ANKRD44: variants seen among roughly 807,000 people sequenced by gnomAD.
The protein encoded by ANKRD44 is ankyrin repeat domain 44.
A neutral mutation model predicts 116.0 loss-of-function variants in ANKRD44; 35 were observed. The ratio of observed to expected loss-of-function variants is 0.30; its 90% CI spans 0.23 to 0.40. The LOEUF (loss-of-function observed/expected upper bound fraction) is 0.40, where lower values mean the gene tolerates loss of function less well. ANKRD44 is among the 10% of genes least tolerant of loss of function. The pLI is 1.00. For synonymous variants in ANKRD44, 435 were observed against 461.8 expected (o/e 0.94, Z 0.74); for missense variants, 1,014 against 1,242.6 (o/e 0.82, Z 2.77).
chr2:197,137,794 G>A (rs1038906363), intron 3 of ANKRD44, among the ~76,000 whole-genome samples: 20 of 152,194 alleles, frequency 1.3e-4, no homozygotes, highest in African/African-American at 4.6e-4. Context: ...GAGAGCCACT[G>A]ATGAATTGTT....
rs2083185684 is a variant in ANKRD44, at chr2:197,278,982, C to A, written c.27+31596G>T. 3.3e-5 allele frequency among the ~76,000 whole-genome samples: 5 copies of A among 152,190 alleles called. No individual in the cohort carries two copies. The South Asian group carries it at 1.0e-3, about 31-fold the overall frequency. Reference sequence around the variant, plus strand: ...GCAGTCAGCAGTTCTCCAGTTTTTCCACATCCTTTCAAAGGTTGGGCTCTC... The same window carrying A: ...GCAGTCAGCAGTTCTCCAGTTTTTCAACATCCTTTCAAAGGTTGGGCTCTC... On this transcript the variant is annotated intron_variant, in intron 1 of 27. Coordinates refer to ENST00000282272, the MANE Select transcript of ANKRD44 (RefSeq NM_001195144.2).
intron 1 of ANKRD44, among the ~76,000 whole-genome samples, chr2:197,267,781 T>TC (rs2082780097): frequency 6.6e-6 from 1 of 152,128 alleles, no homozygotes; most frequent in African/African-American, 2.4e-5. Context: ...AGACTGTCTC[T>TC]CCGTGCTGAC....
intron 16 of ANKRD44, among the ~76,000 whole-genome samples, chr2:197,043,162 G>A (rs527884622): frequency 3.0e-4 from 46 of 152,324 alleles, no homozygotes; most frequent in African/African-American, 1.1e-3. Context: ...AAGAAGAGAG[G>A]TGAAACTGTT....
At chr2:197,077,171 A>AT (rs2077688049) in intron 16 of ANKRD44, among the ~76,000 whole-genome samples, 2 of 152,080 alleles carry the variant, frequency 1.3e-5, no homozygotes, top group South Asian at 4.1e-4. Flanking sequence ...AGCATCTGTT[A>AT]TTTTTTGACT....
At chr2:197,113,823 T>A (rs1163481419) in intron 8 of ANKRD44, among the ~76,000 whole-genome samples, 1 of 152,220 alleles carries the variant, frequency 6.6e-6, no homozygotes, top group Non-Finnish European at 1.5e-5. Context: ...GCATCCATCT[T>A]TGCAGATCTT....
chr2:196,967,912 A>ACTCTCTCTCTCTCTCTCTCT (rs35734167), intron 21 of ANKRD44, among the ~76,000 whole-genome samples: 121 of 140,940 alleles, frequency 8.6e-4, no homozygotes, highest in South Asian at 1.7e-3. Context: ...ATGGCTTGGC[A>ACTCTCTCTCTCTCTCTCTCT]CTCTCTCTCT....
intron 7 of ANKRD44, 103 bp from the exon 8 acceptor site, chr2:197,121,647 T>A: frequency 3.2e-6 from 3 of 947,308 alleles, no homozygotes; most frequent in Non-Finnish European, 1.6e-6. Flanking sequence ...GAAATAGCCA[T>A]CCGCCAATAT....
intron 1 of ANKRD44, among the ~76,000 whole-genome samples, chr2:197,306,362 T>C (rs765210832): frequency 2.0e-5 from 3 of 152,154 alleles, no homozygotes; most frequent in Non-Finnish European, 2.9e-5. Context: ...TCCTGTTTTC[T>C]CATCCATAAA....
chr2:196,989,784 T>C, intron 27 of ANKRD44, 135 bp from the exon 28 acceptor site: 1 of 1,471,576 alleles, frequency 6.8e-7, no homozygotes, highest in South Asian at 1.3e-5. Flanking sequence ...GCAGTCACAC[T>C]TTTCACTGAC....
intron 1 of ANKRD44, among the ~76,000 whole-genome samples, chr2:197,234,010 T>A (rs1405652325): frequency 1.3e-5 from 2 of 152,062 alleles, no homozygotes; most frequent in Non-Finnish European, 2.9e-5. Context: ...GTATATCTCG[T>A]TAACTGTTCT....
chr2:196,972,365 G>A (rs996153417), intron 21 of ANKRD44, among the ~76,000 whole-genome samples: 4 of 152,058 alleles, frequency 2.6e-5, no homozygotes, highest in Non-Finnish European at 5.9e-5. Flanking sequence ...CACCACGCCC[G>A]GTTAATTTTT....
intron 10 of ANKRD44, among the ~76,000 whole-genome samples, chr2:197,092,230 C>T (rs1260512221): frequency 6.6e-6 from 1 of 152,150 alleles, no homozygotes; most frequent in East Asian, 1.9e-4. Flanking sequence ...AAATCTTCTG[C>T]ATAATACAAG....
intron 16 of ANKRD44, among the ~76,000 whole-genome samples, chr2:197,066,588 A>G (rs1004089622): frequency 2.0e-5 from 3 of 152,232 alleles, no homozygotes; most frequent in African/African-American, 7.2e-5. Flanking sequence ...CAACTTCAGC[A>G]AAGTCTCAGG....
At chr2:197,242,348 T>C (rs1013439845) in intron 1 of ANKRD44, among the ~76,000 whole-genome samples, 1 of 152,124 alleles carries the variant, frequency 6.6e-6, no homozygotes, top group African/African-American at 2.4e-5. Context: ...ACTTGGACAA[T>C]CTAGAAAAGC....
At chr2:197,030,953 A>C (rs1179868706) in intron 16 of ANKRD44, among the ~76,000 whole-genome samples, 2 of 152,042 alleles carry the variant, frequency 1.3e-5, no homozygotes, top group Non-Finnish European at 2.9e-5. Flanking sequence ...TAGGACTACA[A>C]GTGTGAGCCA....
At chr2:197,231,341 G>A (rs1440321806) in intron 1 of ANKRD44, among the ~76,000 whole-genome samples, 2 of 152,058 alleles carry the variant, frequency 1.3e-5, no homozygotes, top group East Asian at 3.9e-4. Context: ...GAGGTAAGAA[G>A]TTCATTGAGC....
chr2:197,305,548 T>A (rs1037983299), intron 1 of ANKRD44, among the ~76,000 whole-genome samples: 3 of 152,240 alleles, frequency 2.0e-5, no homozygotes, highest in Admixed American at 2.0e-4. Context: ...TGTGCCTTTT[T>A]GAGTTCGTAT....
At chr2:197,206,033 A>C (rs1312022692) in intron 1 of ANKRD44, among the ~76,000 whole-genome samples, 1 of 152,166 alleles carries the variant, frequency 6.6e-6, no homozygotes. Flanking sequence ...GAAGCAAGTA[A>C]GACTGAACAG....
chr2:197,261,160 T>C (rs1368869296), intron 1 of ANKRD44, among the ~76,000 whole-genome samples: 1 of 151,436 alleles, frequency 6.6e-6, no homozygotes, highest in African/African-American at 2.4e-5. Context: ...CCCATGCCTA[T>C]GTCCTGAATG....
Sources: allele counts gnomAD v4.1 joint callset (sites outside exome capture counted in the v4.1 genomes callset), GRCh38; gene constraint gnomAD v4.1.1; transcripts MANE v1.5; gene names NCBI Gene and HGNC (gene_info 2026-07-23, HGNC 2026-07-21).